NKAIN2: variants seen among roughly 807,000 people sequenced by gnomAD.
NKAIN2 encodes sodium/potassium transporting ATPase interacting 2.
NKAIN2 carries 14 observed loss-of-function variants against 32.6 expected under a neutral mutation model. The observed-to-expected ratio is 0.43, with a 90% CI of 0.28 to 0.67. NKAIN2 has a LOEUF of 0.67. NKAIN2 is among the 30% of genes least tolerant of loss of function. NKAIN2 has a pLI of 0.17. For missense variants in NKAIN2, 198 were observed against 258.3 expected, an observed-to-expected ratio of 0.77 and a Z score of 1.60; for synonymous variants, 80 against 87.2, an observed-to-expected ratio of 0.92 and a Z score of 0.46.
intron 1 of NKAIN2, among the ~76,000 whole-genome samples, chr6:124,123,549 G>T (rs375078831): frequency 6.6e-6 from 1 of 151,742 alleles, no homozygotes; most frequent in East Asian, 1.9e-4. Flanking sequence ...CATTTGTTGC[G>T]CATTCATAGC....
At chr6:124,350,309 G>C (rs1798657573) in intron 2 of NKAIN2, among the ~76,000 whole-genome samples, 2 of 151,962 alleles carry the variant, frequency 1.3e-5, no homozygotes, top group Admixed American at 1.3e-4. Flanking sequence ...AAAATCATAG[G>C]CCGAATTACA....
chr6:123,987,773 A>C (rs1779209998), intron 1 of NKAIN2, among the ~76,000 whole-genome samples: 2 of 150,982 alleles, frequency 1.3e-5, no homozygotes, highest in African/African-American at 4.9e-5. Flanking sequence ...TCAATCTCCC[A>C]CTCTCCCCCT....
At chr6:124,168,018 A>C (rs1315437026) in intron 1 of NKAIN2, among the ~76,000 whole-genome samples, 1 of 152,126 alleles carries the variant, frequency 6.6e-6, no homozygotes, top group Non-Finnish European at 1.5e-5. Context: ...CACATAAAAA[A>C]CCAAGCATTT....
intron 3 of NKAIN2, among the ~76,000 whole-genome samples, chr6:124,654,273 G>T (rs115944498): frequency 4.6e-5 from 7 of 151,954 alleles, no homozygotes; most frequent in Non-Finnish European, 8.8e-5. Context: ...CAGCTTTATG[G>T]TAAATGTAAT....
Position 124,821,501 on chromosome 6 carries a change from C to CA in NKAIN2, c.618-1718dup, listed in dbSNP as rs1227602245. Among the ~76,000 whole-genome samples the CA allele has an allele frequency of 2.0e-5, 3 of 151,946 alleles. No homozygotes were observed. In the South Asian group the frequency reaches 6.2e-4, roughly 32 times the overall value. On this transcript the variant is annotated intron_variant, in intron 6 of 6. Transcript: ENST00000368417. ...TTTAATATATTAAATTCAAATCAAGCATTTATAATTCTAATGGGCTTTAAA... is the reference window on the plus strand; with the variant it reads ...TTTAATATATTAAATTCAAATCAAGCAATTTATAATTCTAATGGGCTTTAAA...
chr6:123,889,636 A>T (rs1280205851), intron 1 of NKAIN2, among the ~76,000 whole-genome samples: 1 of 152,178 alleles, frequency 6.6e-6, no homozygotes, highest in African/African-American at 2.4e-5. Flanking sequence ...CTCAGAGAAA[A>T]GGTTTATTTC....
intron 1 of NKAIN2, among the ~76,000 whole-genome samples, chr6:123,911,252 A>G (rs1317356934): frequency 6.6e-6 from 1 of 152,188 alleles, no homozygotes; most frequent in Admixed American, 6.6e-5. Flanking sequence ...TTTTTAAAGA[A>G]AAAAGATTTA....
At chr6:123,953,979 C>T (rs1273220984) in intron 1 of NKAIN2, among the ~76,000 whole-genome samples, 1 of 152,174 alleles carries the variant, frequency 6.6e-6, no homozygotes, top group African/African-American at 2.4e-5. Context: ...GGAGTTTGCA[C>T]TTAAAGTGCT....
At chr6:124,491,609 T>A (rs1777865522) in intron 3 of NKAIN2, among the ~76,000 whole-genome samples, 1 of 151,810 alleles carries the variant, frequency 6.6e-6, no homozygotes, top group South Asian at 2.1e-4. Context: ...CACAGCTAGT[T>A]ATGTGTCCTG....
At chr6:124,527,631 A>G (rs1168132890) in intron 3 of NKAIN2, among the ~76,000 whole-genome samples, 2 of 152,160 alleles carry the variant, frequency 1.3e-5, no homozygotes, top group Non-Finnish European at 2.9e-5. Context: ...TAACTCACAT[A>G]ATATAGAGTC....
intron 4 of NKAIN2, among the ~76,000 whole-genome samples, chr6:124,791,011 G>T (rs6939473): frequency 0.49 from 74,618 of 151,970 alleles, 18,466 homozygotes; most frequent in East Asian, 0.61. Flanking sequence ...AGAAGTTGAT[G>T]GGCACAAATG....
intron 3 of NKAIN2, among the ~76,000 whole-genome samples, chr6:124,652,014 T>C (rs1158650667): frequency 6.6e-6 from 1 of 152,210 alleles, no homozygotes; most frequent in African/African-American, 2.4e-5. Context: ...TATTTAAATC[T>C]AGTTTTGTCT....
chr6:124,500,700 AAT>A, intron 3 of NKAIN2, among the ~76,000 whole-genome samples: 1 of 151,924 alleles, frequency 6.6e-6, no homozygotes, highest in East Asian at 1.9e-4. Context: ...AAATAAATAA[AAT>A]AAAATGGGAA....
At chr6:124,279,402 G>T (rs112647496) in intron 1 of NKAIN2, among the ~76,000 whole-genome samples, 79 of 151,656 alleles carry the variant, frequency 5.2e-4, no homozygotes, top group African/African-American at 1.7e-3. Flanking sequence ...AGCTACTTGG[G>T]AGGCTGAGGC....
chr6:124,421,282 A>G (rs1464955931), intron 3 of NKAIN2, among the ~76,000 whole-genome samples: 7 of 152,150 alleles, frequency 4.6e-5, no homozygotes, highest in Admixed American at 4.6e-4. Context: ...TAACTCTTTT[A>G]ACTCCTCTCA....
intron 1 of NKAIN2, among the ~76,000 whole-genome samples, chr6:123,995,205 G>C (rs1011001674): frequency 3.3e-5 from 5 of 152,144 alleles, no homozygotes; most frequent in Admixed American, 1.3e-4. Flanking sequence ...AAAAGATTTT[G>C]ATAAATGACA....
At chr6:124,027,904 A>G (rs962536589) in intron 1 of NKAIN2, among the ~76,000 whole-genome samples, 1 of 152,136 alleles carries the variant, frequency 6.6e-6, no homozygotes, top group Admixed American at 6.6e-5. Context: ...CATTCACTTA[A>G]TCAAAATGTG....
At chr6:124,150,033 A>C (rs1214340569) in intron 1 of NKAIN2, among the ~76,000 whole-genome samples, 1 of 152,076 alleles carries the variant, frequency 6.6e-6, no homozygotes, top group Non-Finnish European at 1.5e-5. Flanking sequence ...GCCTGTTTAA[A>C]ATAAATTCCC....
chr6:124,816,340 A>T (rs1285167329), intron 5 of NKAIN2, among the ~76,000 whole-genome samples: 1 of 152,136 alleles, frequency 6.6e-6, no homozygotes, highest in Non-Finnish European at 1.5e-5. Context: ...CTGTTACGGT[A>T]CTCTAATGGT....
Sources: allele counts gnomAD v4.1 joint callset (sites outside exome capture counted in the v4.1 genomes callset), GRCh38; gene constraint gnomAD v4.1.1; transcripts MANE v1.5; gene names NCBI Gene and HGNC (gene_info 2026-07-23, HGNC 2026-07-21).